Variants in ARSB observed in about 807,000 individuals in gnomAD.
ARSB encodes the protein arylsulfatase B.
A neutral mutation model predicts 50.9 loss-of-function variants in ARSB; 41 were observed. The observed-to-expected ratio is 0.81, with a 90% CI of 0.63 to 1.04. ARSB has a LOEUF of 1.04. Among genes scored for constraint, ARSB ranks in the 50% least tolerant of loss-of-function variants. The pLI, the probability that ARSB is intolerant of heterozygous loss-of-function variation, is 0.00. For missense variants in ARSB, 672 were observed against 693.3 expected (o/e 0.97, Z 0.35); for synonymous variants, 269 against 284.8 (o/e 0.94, Z 0.56).
chr5:78,973,617 C>T (rs971528434), intron 1 of ARSB, among the ~76,000 whole-genome samples: 1 of 152,162 alleles, frequency 6.6e-6, no homozygotes, highest in African/African-American at 2.4e-5. Context: ...AAGATGGCAG[C>T]TCCCATATCA....
At chr5:78,806,030 C>A (rs1473144266) in intron 6 of ARSB, among the ~76,000 whole-genome samples, 1 of 152,344 alleles carries the variant, frequency 6.6e-6, no homozygotes, top group East Asian at 1.9e-4. Flanking sequence ...AATACTACCA[C>A]CTACCTTCAT....
At chr5:78,960,562 T>C (rs193221245) in intron 3 of ARSB, among the ~76,000 whole-genome samples, 2 of 151,904 alleles carry the variant, frequency 1.3e-5, no homozygotes, top group Admixed American at 1.3e-4. Flanking sequence ...GACATGGGGG[T>C]GTTTTTTTGT....
chr5:78,852,537 G>C (rs1467748138), intron 5 of ARSB, among the ~76,000 whole-genome samples: 5 of 152,030 alleles, frequency 3.3e-5, no homozygotes, highest in African/African-American at 4.8e-5. Flanking sequence ...TATGTGTCTT[G>C]GAGTTGCTCT....
chr5:78,915,108 G>A (rs1190427123), intron 4 of ARSB, among the ~76,000 whole-genome samples: 3 of 152,114 alleles, frequency 2.0e-5, no homozygotes, highest in Non-Finnish European at 2.9e-5. Flanking sequence ...TTCAATTCTG[G>A]CAGAAACTTT....
In ARSB at chr5:78,814,368, A is replaced by G. The variant is rs1404291950; in HGVS notation, c.1213+24988T>C. Among the ~76,000 whole-genome samples, 2 of 151,054 alleles carry G rather than the reference A, an allele frequency of 1.3e-5. 1 individual carries two copies. The highest frequency in any genetic ancestry group is 3.0e-5 in the Non-Finnish European group (2 of 67,754). ...TCCCTTATGAAATAGTCTTAAAAGC[A>G]ACCTAATAAGAAAGGAGAAAGAACC... is the stretch of plus-strand genomic sequence containing the variant. On this transcript the variant is annotated intron_variant, in intron 6 of 7. Coordinates refer to ENST00000264914, the MANE Select transcript of ARSB (RefSeq NM_000046.5).
At chr5:78,830,041 A>T (rs1045243564) in intron 6 of ARSB, among the ~76,000 whole-genome samples, 3 of 152,210 alleles carry the variant, frequency 2.0e-5, no homozygotes, top group African/African-American at 7.2e-5. Flanking sequence ...TGGACCTGAG[A>T]GGGACTGTTT....
intron 5 of ARSB, among the ~76,000 whole-genome samples, chr5:78,841,159 C>A (rs549226275): frequency 0.029 from 2,703 of 94,122 alleles, 49 homozygotes; most frequent in African/African-American, 0.067. Flanking sequence ...ACTACTACTA[C>A]TACTACTACT....
At chr5:78,949,252 C>T (rs887326832) in intron 4 of ARSB, among the ~76,000 whole-genome samples, 1 of 152,162 alleles carries the variant, frequency 6.6e-6, no homozygotes, top group Non-Finnish European at 1.5e-5. Context: ...AAAATTATGC[C>T]TTTGCCTTTA....
chr5:78,954,768 G>A (rs979479121), intron 4 of ARSB, among the ~76,000 whole-genome samples: 4 of 152,188 alleles, frequency 2.6e-5, no homozygotes, highest in Non-Finnish European at 5.9e-5. Flanking sequence ...GTCTCCCAAA[G>A]TGCTGGGATT....
intron 4 of ARSB, among the ~76,000 whole-genome samples, chr5:78,900,015 T>A (rs1748729183): frequency 6.6e-6 from 1 of 152,202 alleles, no homozygotes; most frequent in Non-Finnish European, 1.5e-5. Context: ...CGGCTCTAGG[T>A]GGCGCTATAA....
At chr5:78,897,990 G>A (rs903106592) in intron 4 of ARSB, among the ~76,000 whole-genome samples, 109 of 152,182 alleles carry the variant, frequency 7.2e-4, no homozygotes, top group African/African-American at 2.5e-3. Context: ...CCCACAGGCC[G>A]GGTGCGGTGG....
intron 5 of ARSB, among the ~76,000 whole-genome samples, chr5:78,875,194 C>T (rs1747429317): frequency 6.6e-6 from 1 of 152,088 alleles, no homozygotes; most frequent in African/African-American, 2.4e-5. Flanking sequence ...CTGAAATAAA[C>T]TAGAAATCAA....
intron 4 of ARSB, among the ~76,000 whole-genome samples, chr5:78,920,892 G>A (rs1020590770): frequency 3.9e-5 from 6 of 152,012 alleles, no homozygotes; most frequent in East Asian, 1.9e-4. Flanking sequence ...CTGCTGCCCC[G>A]CCAGGTTAGA....
chr5:78,894,948 T>C (rs1748494052), intron 4 of ARSB, among the ~76,000 whole-genome samples: 1 of 152,178 alleles, frequency 6.6e-6, no homozygotes, highest in Non-Finnish European at 1.5e-5. Context: ...TGGAGCTCCA[T>C]GCCTAATGAG....
chr5:78,801,495 T>C (rs1743392507), intron 6 of ARSB, among the ~76,000 whole-genome samples: 1 of 152,210 alleles, frequency 6.6e-6, no homozygotes, highest in Non-Finnish European at 1.5e-5. Context: ...TGCATGACAT[T>C]AGCAATTGAA....
chr5:78,828,143 T>C (rs963444312), intron 6 of ARSB, among the ~76,000 whole-genome samples: 3 of 152,074 alleles, frequency 2.0e-5, no homozygotes, highest in African/African-American at 7.3e-5. Flanking sequence ...TCTCCCTAAA[T>C]AGAAATAGAA....
intron 4 of ARSB, among the ~76,000 whole-genome samples, chr5:78,886,961 T>C (rs1318193243): frequency 1.3e-5 from 2 of 152,194 alleles, no homozygotes; most frequent in African/African-American, 4.8e-5. Flanking sequence ...TGATTTTGCA[T>C]TATCTCTCAC....
chr5:78,867,849 C>T (rs1354912956), intron 5 of ARSB, among the ~76,000 whole-genome samples: 7 of 146,866 alleles, frequency 4.8e-5, no homozygotes, highest in African/African-American at 7.6e-5. Context: ...AGGCTTCAGA[C>T]GATCAAATTA....
At chr5:78,806,611 C>T (rs887591715) in intron 6 of ARSB, among the ~76,000 whole-genome samples, 1 of 152,222 alleles carries the variant, frequency 6.6e-6, no homozygotes, top group African/African-American at 2.4e-5. Context: ...CTCCTCCTCA[C>T]CCTGCGCTTT....
Sources: allele counts gnomAD v4.1 joint callset (sites outside exome capture counted in the v4.1 genomes callset), GRCh38; gene constraint gnomAD v4.1.1; transcripts MANE v1.5; gene names NCBI Gene and HGNC (gene_info 2026-07-23, HGNC 2026-07-21).